The following SH3TC1 variants were observed in gnomAD, a reference collection of about 807,000 sequenced individuals.
The protein encoded by SH3TC1 is SH3 domain and tetratricopeptide repeats 1, also known as SH3 domain and tetratricopeptide repeat-containing protein 1.
Under a neutral mutation model 117.3 loss-of-function variants are expected in SH3TC1, and 135 were observed. The observed-to-expected ratio is 1.15, with a 90% CI of 1.00 to 1.33. SH3TC1 has a LOEUF of 1.33. SH3TC1 is among the 40% of genes most tolerant of loss of function. The pLI is 0.00. For missense variants in SH3TC1, 2,092 were observed against 1,794.3 expected (o/e 1.17, Z -3.00); for synonymous variants, 898 against 816.9 (o/e 1.10, Z -1.69).
At position 8,228,079 on chromosome 4, in the gene SH3TC1, G is replaced by A. The variant is rs759323938; in HGVS notation, c.2385G>A (p.Leu795=). Residue 795 remains leucine, a synonymous_variant, in exon 12 of 18, where the codon CTG becomes CTA. Coordinates refer to ENST00000245105, the MANE Select transcript of SH3TC1 (RefSeq NM_018986.5). The stretch of plus-strand genomic sequence containing the variant: ...CCCTCTACACCAGCTTGGCCCAGCT[G>A]TACAGCCACCATGGCTGCCACGGCC... ...RGPLYTSLAQ[L]YSHHGCHGPA... The A allele has an allele frequency of 3.1e-6, 5 of 1,607,572 alleles. No homozygotes were observed. Among genetic ancestry groups the A allele is most frequent in the South Asian group, 1.1e-5 (1 of 90,360 alleles).
At position 8,209,596 on chromosome 4, in the gene SH3TC1, G is replaced by C; in HGVS notation, c.173-152G>C. On this transcript the variant is annotated intron_variant, in intron 2 of 17. Coordinates refer to ENST00000245105, the MANE Select transcript of SH3TC1 (RefSeq NM_018986.5). This position sits in a 1 kb window ranked among gnomAD's most constrained non-coding sequence, Gnocchi z 5.9. ...AGCTTCCCTCCTTGCTGGGCTCTGG[G>C]GAGACTGGAGGAAGGCAGCTGTGGG... is the stretch of plus-strand genomic sequence containing the variant. The C allele has an allele frequency of 6.5e-7, 1 of 1,529,156 alleles. No homozygotes were observed. 94.7% of individuals were successfully genotyped at this position (1,529,156 alleles called of 1,614,324 possible). A position where few individuals can be genotyped will look rare whatever the true frequency, so the allele number is the denominator to read the frequency against.
rs1222605116 is a variant in SH3TC1 at position 8,186,100 on chromosome 4, AT to A, written c.-57+3896del. 6.6e-6 allele frequency among the ~76,000 whole-genome samples: 1 copy of A among 152,012 alleles called. No individual in the cohort carries two copies. Among genetic ancestry groups the A allele is most frequent in the Non-Finnish European group, 1.5e-5 (1 of 67,992 alleles). ...TCGCTGTTTTACTGTGGAGTTGTCG[AT>A]TTTTTCCTCTGGTGCTTGAAGTGGA... On this transcript the variant is annotated intron_variant, in intron 1 of 16. Coordinates refer to the SH3TC1 transcript ENST00000508641. This position sits in a 1 kb window ranked among gnomAD's most constrained non-coding sequence, Gnocchi z 5.2.
chr4:8,235,182 G>T (rs1418015977), intron 14 of SH3TC1, among the ~76,000 whole-genome samples: 2 of 152,250 alleles, frequency 1.3e-5, no homozygotes, highest in African/African-American at 4.8e-5. Context: ...GCTAGGGCTA[G>T]CCCTGGTGGC....
At chr4:8,228,767 C>G (rs909412794) in intron 12 of SH3TC1, 123 bp downstream of exon 12, 7 of 868,192 alleles carry the variant, frequency 8.1e-6, no homozygotes, top group Non-Finnish European at 8.4e-6. Flanking sequence ...TCATGGCAAA[C>G]AGCAGATGTT....
chr4:8,233,185 C>T (rs1721403878), intron 13 of SH3TC1, 178 bp from the exon 14 acceptor site: 4 of 1,400,328 alleles, frequency 2.9e-6, no homozygotes, highest in Non-Finnish European at 3.7e-6. Context: ...TCGTCTTTTC[C>T]TTGCCGTGTG....
At position 8,228,158 on chromosome 4, in the gene SH3TC1, C is replaced by T. The variant is rs755548977; in HGVS notation, c.2464C>T (p.Arg822Cys). 1.5e-5 allele frequency: 24 copies of T among 1,611,946 alleles called. No homozygotes were observed. The highest frequency in any genetic ancestry group is 8.3e-5 in the Admixed American group (5 of 59,926). Residue 822 changes from arginine to cysteine, a missense_variant, in exon 12 of 18, where the codon CGT becomes TGT. Transcript: ENST00000245105. ...AVEASAIAGV[R>C]AIVDHLVALA... is the part of the protein sequence containing the mutation. ...GGAAGCCAGTGCTATTGCCGGAGTC[C>T]GTGCCATCGTGGACCACCTGGTGGC...
At chr4:8,208,493 G>A (rs1488817623) in intron 2 of SH3TC1, among the ~76,000 whole-genome samples, 12 of 151,448 alleles carry the variant, frequency 7.9e-5, no homozygotes, top group Middle Eastern at 3.4e-3. Context: ...TCAGCCTCCC[G>A]AGTAGCTGGG....
In SH3TC1 at chr4:8,240,940, C is replaced by CAG; in HGVS notation, c.3997_3998dup (p.Ser1333ArgfsTer44). On this transcript the variant is annotated frameshift_variant, in exon 18 of 18. Transcript: ENST00000245105. LOFTEE classifies it high-confidence loss of function. ...GCGGGTGGGCCCCCTGGTTGGCCCC[C>CAG]AGCCACCCTCGCTGAGGACAGCATC... The CAG allele has an allele frequency of 6.2e-7, 1 of 1,610,756 alleles. No individual in the cohort carries two copies. The highest frequency in any genetic ancestry group is 8.5e-7 in the Non-Finnish European group (1 of 1,179,972).
Position 8,240,723 on chromosome 4 carries a change from A to G in SH3TC1, c.3779A>G (p.Tyr1260Cys). 1 of 1,613,982 alleles carries G rather than the reference A, an allele frequency of 6.2e-7. No individual in the cohort carries two copies. The highest frequency in any genetic ancestry group is 1.1e-5 in the South Asian group (1 of 91,082). Residue 1260 changes from tyrosine (Y) to cysteine (C), a missense_variant, in exon 18 of 18, where the codon TAC becomes TGC. Physicochemically the swap from Tyr to Cys is radical, Grantham distance 194. Transcript: ENST00000245105. ...LKDPFDAAGY[Y>C]QLALAAAVDL... ...GACCCGTTTGATGCAGCCGGGTACT[A>G]CCAGCTGGCGCTGGCAGCCGCCGTG...
rs761057545 is a variant in SH3TC1 at position 8,218,297 on chromosome 4, C to A, written c.866C>A (p.Pro289His). 6.2e-7 allele frequency: 1 copy of A among 1,612,400 alleles called. No individual in the cohort carries two copies. The highest frequency in any genetic ancestry group is 8.5e-7 in the Non-Finnish European group (1 of 1,178,852). ...TGGGCTCTTAGGATCCCCCAGGACC[C>A]CATCGACGATGCCATGGGTGGCCCT... ...HQWALRIPQD[P>H]IDDAMGGPVM... Residue 289 changes from proline (P) to histidine (H), a missense_variant, in exon 8 of 18, where the codon CCC becomes CAC. Transcript: ENST00000245105.
At position 8,218,331 on chromosome 4, in the gene SH3TC1, C is replaced by T. The variant is rs371090550; in HGVS notation, c.900C>T (p.Pro300=). ...IDDAMGGPVM[P]GNPLMAVGLA... Reference sequence around the variant, plus strand: ...ATGCCATGGGTGGCCCTGTGATGCCCGGCAACCCGCTGATGGGTAAGTGTT... The same window carrying T: ...ATGCCATGGGTGGCCCTGTGATGCCTGGCAACCCGCTGATGGGTAAGTGTT... The change falls in exon 8 of 18, where the codon CCC becomes CCT. Residue 300 remains proline, a synonymous_variant. Transcript: ENST00000245105. 199 of 1,611,076 alleles carry T rather than the reference C, an allele frequency of 1.2e-4. No homozygotes were observed. The Admixed American group carries it at 2.7e-3, about 22-fold the overall frequency.
In SH3TC1 at chr4:8,216,148, C is replaced by G. The variant is rs1719246491; in HGVS notation, c.519C>G (p.Asp173Glu). Residue 173 changes from aspartate (D) to glutamate (E), a missense_variant, in exon 6 of 18, where the codon GAC (aspartate) becomes GAG (glutamate). Coordinates refer to ENST00000245105, the MANE Select transcript of SH3TC1 (RefSeq NM_018986.5). ...THHCLANLLM[D>E]QAFWLLLPSE... ...ACTGCCTGGCAAACCTGCTCATGGA[C>G]CAGGCCTTCTGGCTGCTCTTGCCCA... 6.2e-7 allele frequency: 1 copy of G among 1,613,612 alleles called. No homozygotes were observed. Among genetic ancestry groups the G allele is most frequent in the African/African-American group, 1.3e-5 (1 of 74,926 alleles).
chr4:8,215,023 A>G (rs1719114757), intron 5 of SH3TC1: 1 of 412,030 alleles, frequency 2.4e-6, no homozygotes, highest in African/African-American at 2.0e-5. Context: ...CACTAGCAAG[A>G]TAACAACACT....
chr4:8,232,833 C>A (rs1721368777), intron 13 of SH3TC1: 2 of 1,279,230 alleles, frequency 1.6e-6, no homozygotes, highest in South Asian at 1.3e-5. Flanking sequence ...GGAAAATGGG[C>A]CAGTGTGTTA....
intron 1 of SH3TC1, among the ~76,000 whole-genome samples, chr4:8,203,991 C>T (rs1561679123): frequency 6.6e-6 from 1 of 152,214 alleles, no homozygotes; most frequent in Admixed American, 6.5e-5. Context: ...CCTCGTGGGC[C>T]CATCAGGGCT....
In SH3TC1 at chr4:8,232,058, G is replaced by A; in HGVS notation, c.3033G>A (p.Glu1011=). ...PSEAQCVIYH[E]LQLSLACKVA... Reference sequence around the variant, plus strand: ...AGGCCCAGTGTGTCATCTACCATGAGCTCCAGCTCTCCCTGGCCTGCAAGG... The same window carrying A: ...AGGCCCAGTGTGTCATCTACCATGAACTCCAGCTCTCCCTGGCCTGCAAGG... The change falls in exon 13 of 18, where the codon GAG becomes GAA. Residue 1011 remains glutamate (E), a synonymous_variant. Coordinates refer to ENST00000245105, the MANE Select transcript of SH3TC1 (RefSeq NM_018986.5). 2 of 1,613,484 alleles carry A rather than the reference G, an allele frequency of 1.2e-6. No individual in the cohort carries two copies. The highest frequency in any genetic ancestry group is 8.5e-7 in the Non-Finnish European group (1 of 1,180,022).
At chr4:8,197,438 C>T (rs995933056), upstream of SH3TC1, among the ~76,000 whole-genome samples, 1 of 152,264 alleles carries the variant, frequency 6.6e-6, no homozygotes, top group Non-Finnish European at 1.5e-5. Flanking sequence ...CATCTTCCTC[C>T]TCAGACGCAG....
At chr4:8,232,543 G>T (rs759059986) in intron 13 of SH3TC1, 2 of 1,367,278 alleles carry the variant, frequency 1.5e-6, no homozygotes, top group South Asian at 2.3e-5. Context: ...TGTGACCACA[G>T]CAGCCACCTG....
chr4:8,228,141 G>A lies in SH3TC1; in HGVS notation c.2447G>A (p.Ser816Asn), dbSNP rs767776631. 6.2e-6 allele frequency: 10 copies of A among 1,612,400 alleles called. No homozygotes were observed. Among genetic ancestry groups the A allele is most frequent in the East Asian group, 2.2e-5 (1 of 44,868 alleles). Residue 816 changes from serine to asparagine, a missense_variant, in exon 12 of 18, where the codon AGT becomes AAT. Coordinates refer to ENST00000245105, the MANE Select transcript of SH3TC1 (RefSeq NM_018986.5). ...TTCATGACGCAGGCAGTGGAAGCCAGTGCTATTGCCGGAGTCCGTGCCATC... is the reference window on the plus strand; with the variant it reads ...TTCATGACGCAGGCAGTGGAAGCCAATGCTATTGCCGGAGTCCGTGCCATC... Reference protein sequence around the residue: ...ITFMTQAVEASAIAGVRAIVD... With the variant: ...ITFMTQAVEANAIAGVRAIVD...
Sources: allele counts gnomAD v4.1 joint callset (sites outside exome capture counted in the v4.1 genomes callset), GRCh38; gene constraint gnomAD v4.1.1; non-coding constraint Gnocchi (gnomAD v3.1); transcripts MANE v1.5; gene names NCBI Gene and HGNC (gene_info 2026-07-23, HGNC 2026-07-21).